The following XPR1 variants were observed in gnomAD, a reference collection of about 807,000 sequenced individuals.
XPR1 encodes xenotropic and polytropic retrovirus receptor 1, also known as solute carrier family 53 member 1.
A neutral mutation model predicts 87.5 loss-of-function variants in XPR1; 28 were observed. The ratio of observed to expected loss-of-function variants is 0.32; its 90% CI spans 0.24 to 0.44. XPR1 has a LOEUF of 0.44. Ranked by LOEUF, XPR1 falls within the 20% of genes least tolerant of loss-of-function variation. XPR1 has a pLI of 1.00. For synonymous variants in XPR1, 300 were observed against 306.1 expected (o/e 0.98, Z 0.21); for missense variants, 559 against 862.3 (o/e 0.65, Z 4.41).
rs187122654 is a variant in XPR1 at position 180,835,593 on chromosome 1, C to T, written c.1306+548C>T. Among the ~76,000 whole-genome samples the T allele has an allele frequency of 6.6e-5, 10 of 152,052 alleles. No homozygotes were observed. The East Asian group carries it at 1.2e-3, about 18-fold the overall frequency. On this transcript the variant is annotated intron_variant, in intron 10 of 14. Coordinates refer to ENST00000367590, the MANE Select transcript of XPR1 (RefSeq NM_004736.4). Reference sequence around the variant, plus strand: ...GATAGAATATGTAACATGTGACTAACGAAAGTTGATGAAGCCGATGCTGAC... The same window carrying T: ...GATAGAATATGTAACATGTGACTAATGAAAGTTGATGAAGCCGATGCTGAC...
intron 2 of XPR1, among the ~76,000 whole-genome samples, chr1:180,694,541 T>G (rs1424652204): frequency 6.6e-6 from 1 of 152,186 alleles, no homozygotes; most frequent in Non-Finnish European, 1.5e-5. Flanking sequence ...ATACCTCAAA[T>G]TTATCTTTAT....
chr1:180,677,193 T>G (rs1190942011), intron 1 of XPR1, among the ~76,000 whole-genome samples: 1 of 152,186 alleles, frequency 6.6e-6, no homozygotes, highest in Non-Finnish European at 1.5e-5. Context: ...CTACCCACAT[T>G]TTGTAACTGT....
rs78904023 is a variant in XPR1 at position 180,667,759 on chromosome 1, C to T, written c.70-14601C>T. ...TTGTTGGAATTATGGAGTCAATCTT[C>T]TTACTATTTATAGATCTGTTCAGAT... is the stretch of plus-strand genomic sequence containing the variant. On this transcript the variant is annotated intron_variant, in intron 1 of 14. Transcript: ENST00000367590. 7.8e-3 allele frequency among the ~76,000 whole-genome samples: 1,187 copies of T among 152,264 alleles called. 10 individuals carry two copies. The highest frequency in any genetic ancestry group is 0.014 in the Non-Finnish European group (942 of 68,030).
At chr1:180,752,025 T>C (rs953257222) in intron 2 of XPR1, among the ~76,000 whole-genome samples, 7 of 152,088 alleles carry the variant, frequency 4.6e-5, no homozygotes, top group South Asian at 2.1e-4. Flanking sequence ...TATAATGATA[T>C]CATCATCTAT....
intron 9 of XPR1, among the ~76,000 whole-genome samples, chr1:180,833,186 T>G (rs1321588279): frequency 1.3e-5 from 2 of 152,052 alleles, no homozygotes; most frequent in East Asian, 3.9e-4. Flanking sequence ...GCACTAAACA[T>G]GGAAAGAAAC....
At chr1:180,689,135 G>C (rs1179482731) in intron 2 of XPR1, among the ~76,000 whole-genome samples, 1 of 152,072 alleles carries the variant, frequency 6.6e-6, no homozygotes, top group Non-Finnish European at 1.5e-5. Context: ...CTAATGGAAA[G>C]GGACATTAAA....
intron 2 of XPR1, among the ~76,000 whole-genome samples, chr1:180,734,326 C>A (rs4652526): frequency 0.31 from 47,646 of 151,946 alleles, 8,207 homozygotes; most frequent in Non-Finnish European, 0.38. Flanking sequence ...ATCTCTCTGA[C>A]CAACTAAAAT....
At chr1:180,733,969 G>T (rs1358297478) in intron 2 of XPR1, among the ~76,000 whole-genome samples, 1 of 152,096 alleles carries the variant, frequency 6.6e-6, no homozygotes, top group Non-Finnish European at 1.5e-5. Flanking sequence ...AATCCTTTGA[G>T]GACAGTTATA....
chr1:180,785,482 G>A (rs1360413858), intron 2 of XPR1, among the ~76,000 whole-genome samples: 1 of 151,968 alleles, frequency 6.6e-6, no homozygotes, highest in Non-Finnish European at 1.5e-5. Context: ...TTAAAGCAAA[G>A]AAATAAATTC....
In XPR1 at chr1:180,886,796, A is replaced by G. The variant is rs1250246626; in HGVS notation, c.*2730A>G. On this transcript the variant is annotated 3_prime_UTR_variant, in exon 15 of 15. Coordinates refer to ENST00000367590, the MANE Select transcript of XPR1 (RefSeq NM_004736.4). Reference sequence around the variant, plus strand: ...TGCACTTTCCTCTCCTAAATTTTATATGCCCTAGCAGTTGCGAATGTTGTG... The same window carrying G: ...TGCACTTTCCTCTCCTAAATTTTATGTGCCCTAGCAGTTGCGAATGTTGTG... 6.6e-6 allele frequency: 1 copy of G among 152,224 alleles called. No individual in the cohort carries two copies. The highest frequency in any genetic ancestry group is 2.4e-5 in the African/African-American group (1 of 41,452). 9.4% of individuals were successfully genotyped at this position (152,224 alleles called of 1,614,324 possible).
intron 11 of XPR1, among the ~76,000 whole-genome samples, chr1:180,842,625 G>A (rs1651556008): frequency 6.6e-6 from 1 of 152,152 alleles, no homozygotes; most frequent in Non-Finnish European, 1.5e-5. Flanking sequence ...ATTGGGATTG[G>A]AGGAGGCACA....
chr1:180,649,873 G>A (rs749437971), intron 1 of XPR1, among the ~76,000 whole-genome samples: 4 of 151,934 alleles, frequency 2.6e-5, no homozygotes, highest in African/African-American at 9.7e-5. Flanking sequence ...CTACTTCTTC[G>A]GCCAGTCCTC....
At chr1:180,735,713 G>A (rs1428455232) in intron 2 of XPR1, among the ~76,000 whole-genome samples, 1 of 152,152 alleles carries the variant, frequency 6.6e-6, no homozygotes, top group Non-Finnish European at 1.5e-5. Flanking sequence ...AGATAGTTAA[G>A]AATAAATTAT....
At chr1:180,772,398 T>C (rs960038517) in intron 2 of XPR1, among the ~76,000 whole-genome samples, 1 of 152,166 alleles carries the variant, frequency 6.6e-6, no homozygotes, top group Non-Finnish European at 1.5e-5. Flanking sequence ...GGAACCAAGA[T>C]CTGAGTGCTA....
In XPR1 at chr1:180,881,068, C is replaced by T. The variant is rs945849939; in HGVS notation, c.2030+771C>T. 3.9e-5 allele frequency among the ~76,000 whole-genome samples: 6 copies of T among 151,938 alleles called. No individual in the cohort carries two copies. In the South Asian group the frequency reaches 1.0e-3, roughly 26 times the overall value. On this transcript the variant is annotated intron_variant, in intron 14 of 14. Transcript: ENST00000367590. ...AAGTGCAGAAAGAAAAACCATGTGA[C>T]TAGAATTATAGTAAGAATAATTTTG...
chr1:180,766,833 A>T (rs1648304058), intron 2 of XPR1, among the ~76,000 whole-genome samples: 1 of 152,138 alleles, frequency 6.6e-6, no homozygotes, highest in South Asian at 2.1e-4. Context: ...TGAAACAGTG[A>T]TCTATAAATT....
chr1:180,821,287 G>T (rs1558024762), intron 7 of XPR1, among the ~76,000 whole-genome samples: 4 of 152,156 alleles, frequency 2.6e-5, no homozygotes, highest in South Asian at 4.1e-4. Context: ...GTTGTCACAG[G>T]ACTAAGCTGT....
chr1:180,706,447 A>C (rs1657560506), intron 2 of XPR1, among the ~76,000 whole-genome samples: 1 of 152,218 alleles, frequency 6.6e-6, no homozygotes, highest in Non-Finnish European at 1.5e-5. Context: ...CTTCAGGAAT[A>C]CTGGAAAAAA....
chr1:180,846,856 TAA>T (rs575472951), intron 11 of XPR1, among the ~76,000 whole-genome samples: 21 of 132,672 alleles, frequency 1.6e-4, no homozygotes, highest in Admixed American at 2.3e-4. Context: ...CTTCACATAG[TAA>T]AAAAAAAAAA....
Sources: gnomAD v4.1 joint callset for allele counts (sites outside exome capture counted in the v4.1 genomes callset) on GRCh38, gnomAD v4.1.1 for gene constraint, MANE v1.5 for transcripts, NCBI Gene and HGNC (gene_info 2026-07-23, HGNC 2026-07-21) for gene names.